Variants in EPB41L4A observed in about 807,000 individuals in gnomAD.
The protein encoded by EPB41L4A is band 4.1-like protein 4A.
Under a neutral mutation model 108.6 loss-of-function variants are expected in EPB41L4A, and 100 were observed. That is an observed-to-expected ratio of 0.92 (90% confidence interval 0.78 to 1.09). The LOEUF is 1.09. EPB41L4A is among the 50% of genes least tolerant of loss of function. The pLI is 0.00. For missense variants in EPB41L4A, 1,030 were observed against 842.7 expected (o/e 1.22, Z -2.75); for synonymous variants, 319 against 289.0 (o/e 1.10, Z -1.05).
At chr5:112,277,140 T>A (rs1353921786) in intron 3 of EPB41L4A, among the ~76,000 whole-genome samples, 3 of 152,126 alleles carry the variant, frequency 2.0e-5, no homozygotes, top group Non-Finnish European at 4.4e-5. Context: ...AAGCTCCATG[T>A]TCCTGAGCAG....
chr5:112,308,653 A>G (rs971289170), intron 1 of EPB41L4A, among the ~76,000 whole-genome samples: 7 of 152,180 alleles, frequency 4.6e-5, no homozygotes, highest in African/African-American at 1.7e-4. Flanking sequence ...GTTACTGGAC[A>G]TTTTCTGCAA....
At chr5:112,218,056 G>C (rs1469379258) in intron 12 of EPB41L4A, among the ~76,000 whole-genome samples, 1 of 152,160 alleles carries the variant, frequency 6.6e-6, no homozygotes, top group Non-Finnish European at 1.5e-5. Flanking sequence ...CAGTGCTACA[G>C]AGTGTGTGGA....
At chr5:112,354,498 G>A (rs1473584383) in intron 1 of EPB41L4A, among the ~76,000 whole-genome samples, 1 of 152,172 alleles carries the variant, frequency 6.6e-6, no homozygotes, top group African/African-American at 2.4e-5. Context: ...AAGCTCTGTG[G>A]TAAGGAGAAA....
intron 1 of EPB41L4A, among the ~76,000 whole-genome samples, chr5:112,391,394 G>A (rs1760927203): frequency 7.4e-6 from 1 of 135,538 alleles, no homozygotes; most frequent in South Asian, 2.2e-4. Context: ...ATGACCTGAT[G>A]GAGCTGAAAA....
intron 1 of EPB41L4A, among the ~76,000 whole-genome samples, chr5:112,387,396 G>A (rs1434200794): frequency 1.3e-5 from 2 of 152,082 alleles, no homozygotes; most frequent in South Asian, 4.2e-4. Context: ...GGAGGCCGAG[G>A]CGGGCAGATC....
chr5:112,153,982 A>G (rs1031431123), intron 12 of EPB41L4A, among the ~76,000 whole-genome samples: 6 of 152,218 alleles, frequency 3.9e-5, no homozygotes, highest in African/African-American at 1.4e-4. Context: ...AAAATGCAAA[A>G]ATACTTAGAA....
intron 1 of EPB41L4A, among the ~76,000 whole-genome samples, chr5:112,362,096 T>C (rs1245859511): frequency 1.3e-5 from 2 of 152,024 alleles, no homozygotes; most frequent in South Asian, 2.1e-4. Context: ...AATCATAGCA[T>C]TAATTTTATT....
At chr5:112,354,686 A>T (rs1048939316) in intron 1 of EPB41L4A, among the ~76,000 whole-genome samples, 13 of 152,204 alleles carry the variant, frequency 8.5e-5, no homozygotes, top group African/African-American at 3.1e-4. Context: ...AAGATTTTTC[A>T]TGAATGAAAA....
intron 4 of EPB41L4A, among the ~76,000 whole-genome samples, chr5:112,266,956 T>A (rs915803311): frequency 9.2e-5 from 14 of 152,196 alleles, no homozygotes; most frequent in African/African-American, 3.4e-4. Flanking sequence ...TATTCTCCAT[T>A]GTGCAGATGA....
intron 1 of EPB41L4A, among the ~76,000 whole-genome samples, chr5:112,363,890 T>C (rs989948387): frequency 3.3e-5 from 5 of 152,218 alleles, no homozygotes; most frequent in African/African-American, 9.6e-5. Context: ...CATATTTTCA[T>C]GTAAGTTTAT....
chr5:112,266,554 C>T (rs1218133410), intron 4 of EPB41L4A, among the ~76,000 whole-genome samples: 1 of 152,212 alleles, frequency 6.6e-6, no homozygotes, highest in African/African-American at 2.4e-5. Flanking sequence ...AGTTCAACTG[C>T]TTGGCTTACT....
intron 4 of EPB41L4A, among the ~76,000 whole-genome samples, chr5:112,274,819 G>A (rs1752509838): frequency 6.6e-6 from 1 of 152,114 alleles, no homozygotes; most frequent in Non-Finnish European, 1.5e-5. Context: ...GGTGACAAAG[G>A]TGAAGTAATG....
At chr5:112,386,292 C>T (rs2112638335) in intron 1 of EPB41L4A, among the ~76,000 whole-genome samples, 1 of 152,274 alleles carries the variant, frequency 6.6e-6, no homozygotes, top group East Asian at 1.9e-4. Context: ...ACATAAAATA[C>T]CCTTACAGCA....
intron 2 of EPB41L4A, among the ~76,000 whole-genome samples, chr5:112,292,802 A>T (rs1040160458): frequency 9.2e-4 from 138 of 150,014 alleles, no homozygotes; most frequent in African/African-American, 3.1e-3. Flanking sequence ...CCCTAAATTT[A>T]AAAAAAAACT....
At chr5:112,285,285 A>G (rs1753214604) in intron 2 of EPB41L4A, among the ~76,000 whole-genome samples, 1 of 152,210 alleles carries the variant, frequency 6.6e-6, no homozygotes. Flanking sequence ...TTGATCTAAG[A>G]GAGTAAAAAC....
At chr5:112,287,447 CAA>C (rs1290797868) in intron 2 of EPB41L4A, among the ~76,000 whole-genome samples, 1 of 152,200 alleles carries the variant, frequency 6.6e-6, no homozygotes, top group African/African-American at 2.4e-5. Flanking sequence ...CTCTCAGGTC[CAA>C]GCAGCCATTA....
intron 4 of EPB41L4A, among the ~76,000 whole-genome samples, chr5:112,267,494 T>C (rs1338906072): frequency 1.3e-5 from 2 of 152,164 alleles, no homozygotes; most frequent in Admixed American, 1.3e-4. Flanking sequence ...ATGTCCCATG[T>C]TTCCCCACTG....
intron 1 of EPB41L4A, among the ~76,000 whole-genome samples, chr5:112,395,783 GAC>G (rs1341148513): frequency 6.6e-6 from 1 of 152,178 alleles, no homozygotes; most frequent in East Asian, 1.9e-4. Flanking sequence ...CTACTATGAA[GAC>G]TTATGCACAC....
At chr5:112,302,687 A>G (rs75546061) in intron 2 of EPB41L4A, among the ~76,000 whole-genome samples, 73 of 152,308 alleles carry the variant, frequency 4.8e-4, no homozygotes, top group Non-Finnish European at 8.8e-5. Context: ...TACAGTCTGA[A>G]TCCAGATTTT....
Sources: gnomAD v4.1 joint callset for allele counts (sites outside exome capture counted in the v4.1 genomes callset) on GRCh38, gnomAD v4.1.1 for gene constraint, MANE v1.5 for transcripts, NCBI Gene and HGNC (gene_info 2026-07-23, HGNC 2026-07-21) for gene names.